DPH6: variants seen among roughly 807,000 people sequenced by gnomAD.
DPH6 encodes diphthine--ammonia ligase.
DPH6 carries 33 observed loss-of-function variants against 38.2 expected under a neutral mutation model. That is an observed-to-expected ratio of 0.86 (90% CI 0.65 to 1.15). The LOEUF is 1.15. Among genes scored for constraint, DPH6 ranks in the 50% most tolerant of loss-of-function variants. The pLI is 0.00. For synonymous variants in DPH6, 108 were observed against 103.0 expected (o/e 1.05, Z -0.30); for missense variants, 325 against 320.0 (o/e 1.02, Z -0.12).
intron 5 of DPH6, among the ~76,000 whole-genome samples, chr15:35,443,118 T>G (rs912048171): frequency 6.6e-6 from 1 of 152,134 alleles, no homozygotes; most frequent in Non-Finnish European, 1.5e-5. Flanking sequence ...GATAAAAAGA[T>G]CTCTTAAAAA....
intron 3 of DPH6, among the ~76,000 whole-genome samples, chr15:35,225,807 T>A (rs1174595792): frequency 6.6e-6 from 1 of 152,264 alleles, no homozygotes; most frequent in East Asian, 1.9e-4. Flanking sequence ...TTTGAAAATT[T>A]GACTTTTCTT....
chr15:35,312,026 AAAAAAAT>A (rs1254101108), intron 3 of DPH6, among the ~76,000 whole-genome samples: 33 of 151,742 alleles, frequency 2.2e-4, no homozygotes, highest in African/African-American at 8.0e-4. Context: ...AAAAAAAAAA[AAAAAAAT>A]AGAACAGGAA....
the DPH6 span, among the ~76,000 whole-genome samples, chr15:35,161,137 T>C: frequency 1.3e-5 from 2 of 151,896 alleles, no homozygotes; most frequent in African/African-American, 4.8e-5. Flanking sequence ...ACTTAAAGTA[T>C]AATAATAATA....
intron 3 of DPH6, among the ~76,000 whole-genome samples, chr15:35,238,536 T>C (rs984209149): frequency 6.6e-6 from 1 of 152,226 alleles, no homozygotes; most frequent in African/African-American, 2.4e-5. Context: ...TGAGATTATT[T>C]TGGGCAAAGC....
At chr15:35,284,359 T>C (rs1037075878) in intron 3 of DPH6, among the ~76,000 whole-genome samples, 1 of 152,100 alleles carries the variant, frequency 6.6e-6, no homozygotes, top group Non-Finnish European at 1.5e-5. Flanking sequence ...CTGCTTTTTT[T>C]CCCCCTAAGG....
chr15:35,248,898 A>G (rs570113419), intron 3 of DPH6, among the ~76,000 whole-genome samples: 1 of 152,328 alleles, frequency 6.6e-6, no homozygotes, highest in East Asian at 1.9e-4. Flanking sequence ...ATGGTTATAT[A>G]ATTAAAGGGC....
At chr15:35,315,390 T>C (rs1437775924) in intron 3 of DPH6, among the ~76,000 whole-genome samples, 2 of 152,242 alleles carry the variant, frequency 1.3e-5, no homozygotes, top group Non-Finnish European at 2.9e-5. Flanking sequence ...AATGTGTTGA[T>C]TGTAATGGTT....
At chr15:35,526,929 A>T (rs140318133) in intron 3 of DPH6, among the ~76,000 whole-genome samples, 129 of 152,310 alleles carry the variant, frequency 8.5e-4, no homozygotes, top group African/African-American at 2.9e-3. Flanking sequence ...GTCTCTTGGA[A>T]GGCTGAATTA....
chr15:35,398,955 AT>A (rs1241178681), intron 6 of DPH6, among the ~76,000 whole-genome samples: 1 of 152,198 alleles, frequency 6.6e-6, no homozygotes, highest in Non-Finnish European at 1.5e-5. Context: ...AGAGAAAAAA[AT>A]AAATAGTTTA....
chr15:35,522,473 C>T (rs767918000), intron 3 of DPH6, among the ~76,000 whole-genome samples: 22 of 152,000 alleles, frequency 1.4e-4, no homozygotes, highest in Non-Finnish European at 2.4e-4. Flanking sequence ...GTTTAGAAAA[C>T]AACAGACATT....
chr15:35,233,939 A>G (rs1416851505), intron 3 of DPH6, among the ~76,000 whole-genome samples: 2 of 152,036 alleles, frequency 1.3e-5, no homozygotes, highest in African/African-American at 4.8e-5. Flanking sequence ...CTTTAAATTC[A>G]TTGTTTTATT....
At chr15:35,484,965 T>C (rs1356040220) in intron 3 of DPH6, among the ~76,000 whole-genome samples, 1 of 152,214 alleles carries the variant, frequency 6.6e-6, no homozygotes, top group Non-Finnish European at 1.5e-5. Flanking sequence ...GCAAGTTTTT[T>C]AGAAAGTAGC....
intron 3 of DPH6, among the ~76,000 whole-genome samples, chr15:35,479,709 GCC>G (rs1283530213): frequency 1.3e-5 from 2 of 152,034 alleles, no homozygotes; most frequent in Admixed American, 6.6e-5. Context: ...AATTGTTAAT[GCC>G]TGCTCCCTTT....
intron 3 of DPH6, among the ~76,000 whole-genome samples, chr15:35,334,242 T>C (rs919675825): frequency 2.0e-5 from 3 of 152,164 alleles, no homozygotes; most frequent in African/African-American, 7.2e-5. Flanking sequence ...TCAACTTGCA[T>C]CAATTAATTC....
intron 3 of DPH6, among the ~76,000 whole-genome samples, chr15:35,338,776 C>A (rs1429993311): frequency 2.0e-5 from 3 of 152,156 alleles, no homozygotes; most frequent in Admixed American, 6.5e-5. Flanking sequence ...AGACTTGGAA[C>A]CAACTCAAAT....
At chr15:35,278,369 G>A (rs527569495) in intron 3 of DPH6, among the ~76,000 whole-genome samples, 1 of 152,348 alleles carries the variant, frequency 6.6e-6, no homozygotes, top group South Asian at 2.1e-4. Flanking sequence ...AGAATGCAAG[G>A]GTGAAGGAGA....
At chr15:35,168,244 C>T in the DPH6 span, among the ~76,000 whole-genome samples, 9 of 151,962 alleles carry the variant, frequency 5.9e-5, no homozygotes, top group South Asian at 1.9e-3. Context: ...CTTTGACTTC[C>T]AGTGTTTACA....
chr15:35,471,456 C>T (rs17586323), intron 3 of DPH6, among the ~76,000 whole-genome samples: 14,791 of 152,198 alleles, frequency 0.097, 902 homozygotes, highest in Non-Finnish European at 0.14. Context: ...CTTCTCCCTC[C>T]AATTGATACA....
intron 5 of DPH6, among the ~76,000 whole-genome samples, chr15:35,425,830 T>C (rs1392766101): frequency 6.8e-6 from 1 of 147,826 alleles, no homozygotes; most frequent in Non-Finnish European, 1.5e-5. Context: ...TATATATATA[T>C]CTCATATATC....
Sources: allele counts gnomAD v4.1 joint callset (sites outside exome capture counted in the v4.1 genomes callset), GRCh38; gene constraint gnomAD v4.1.1; transcripts MANE v1.5; gene names NCBI Gene and HGNC (gene_info 2026-07-23, HGNC 2026-07-21).